LRRIQ1: variants seen among roughly 807,000 people sequenced by gnomAD.
The protein encoded by LRRIQ1 is leucine-rich repeat- and IQ domain-containing protein 1.
Under a neutral mutation model 211.9 loss-of-function variants are expected in LRRIQ1, and 210 were observed. The ratio of observed to expected loss-of-function variants is 0.99; its 90% CI spans 0.89 to 1.11. LRRIQ1 has a LOEUF of 1.11. Ranked by LOEUF, LRRIQ1 falls within the 50% of genes most tolerant of loss-of-function variation. LRRIQ1 has a pLI of 0.00. For synonymous variants in LRRIQ1, 699 were observed against 650.1 expected, an observed-to-expected ratio of 1.08 and a Z score of -1.14; for missense variants, 2,136 against 1,939.5, an observed-to-expected ratio of 1.10 and a Z score of -1.90.
At chr12:85,048,981 GC>G (rs1879979320) in intron 6 of LRRIQ1, among the ~76,000 whole-genome samples, 1 of 152,112 alleles carries the variant, frequency 6.6e-6, no homozygotes, top group Admixed American at 6.5e-5. Context: ...AGATCTAACA[GC>G]AAATCCCACC....
rs1186132172 is a variant in LRRIQ1 at position 85,152,334 on chromosome 12, A to G, written c.4384A>G (p.Thr1462Ala). 2 of 1,611,376 alleles carry G rather than the reference A, an allele frequency of 1.2e-6. No individual in the cohort carries two copies. The highest frequency in any genetic ancestry group is 1.7e-5 in the Admixed American group (1 of 59,708). The change falls in exon 20 of 27, where the codon ACA (threonine) becomes GCA (alanine). Residue 1462 changes from threonine to alanine, a missense_variant. Coordinates refer to ENST00000393217, the MANE Select transcript of LRRIQ1 (RefSeq NM_001079910.2). ...AGATTCCACCCGCTTCCCTTCACAA[A>G]CACTGCTTCTTTCAAACCAGCTGCA... ...ALDSTRFPSQ[T>A]LLLSNQLHWP...
chr12:85,088,055 C>A (rs1213796119), intron 11 of LRRIQ1, among the ~76,000 whole-genome samples: 1 of 152,108 alleles, frequency 6.6e-6, no homozygotes, highest in Non-Finnish European at 1.5e-5. Flanking sequence ...CCTAGGTTTT[C>A]TTCTAGGGCT....
chr12:85,079,761 CT>C (rs1201871553), intron 11 of LRRIQ1, among the ~76,000 whole-genome samples: 2 of 151,848 alleles, frequency 1.3e-5, no homozygotes, highest in African/African-American at 4.8e-5. Flanking sequence ...TTCATTCTGC[CT>C]GCTTTTTTCT....
Position 85,244,917 on chromosome 12 carries a change from G to A in LRRIQ1, c.5145G>A (p.Leu1715=). ...ACTCAGCAGGATCTTCAAGTAAGTT[G>A]TGGTTTCCTTCAAAATTAATTTAGA... ...HRHSAGSSSK[L]WFPSKLI Residue 1715 remains leucine, a synonymous_variant, in exon 27 of 27, where the codon TTG becomes TTA. Coordinates refer to ENST00000393217, the MANE Select transcript of LRRIQ1 (RefSeq NM_001079910.2). 6.2e-7 allele frequency: 1 copy of A among 1,610,408 alleles called. No homozygotes were observed. The highest frequency in any genetic ancestry group is 8.5e-7 in the Non-Finnish European group (1 of 1,177,780).
chr12:85,269,315 G>A (rs534800200), downstream of LRRIQ1, among the ~76,000 whole-genome samples: 5 of 152,066 alleles, frequency 3.3e-5, no homozygotes, highest in South Asian at 1.0e-3. Flanking sequence ...AGTATTCTCA[G>A]ATAATGTTCA....
chr12:85,233,572 T>A (rs1169402867), intron 26 of LRRIQ1, among the ~76,000 whole-genome samples: 2 of 152,178 alleles, frequency 1.3e-5, no homozygotes, highest in Non-Finnish European at 2.9e-5. Context: ...GATTCTTGAA[T>A]GAAATGAGTA....
At position 85,072,424 on chromosome 12, in the gene LRRIQ1, A is replaced by G. The variant is rs533018711; in HGVS notation, c.2696-483A>G. ...TATTGGGATAAAGAGTTTATTTTGC[A>G]TGTGTAAGATCTACCTTACTGATAA... On this transcript the variant is annotated intron_variant, in intron 10 of 26. Transcript: ENST00000393217. Among the ~76,000 whole-genome samples, 19 of 152,000 alleles carry G rather than the reference A, an allele frequency of 1.3e-4. 1 individual carries two copies. Among genetic ancestry groups the G allele is most frequent in the South Asian group, 1.2e-3 (6 of 4,824 alleles).
chr12:85,124,394 A>G lies in LRRIQ1; in HGVS notation c.3882A>G (p.Leu1294=). The change falls in exon 17 of 27, where the codon TTA becomes TTG. Residue 1294 remains leucine, a synonymous_variant. Transcript: ENST00000393217. ...TGGAAGGAAGACATCAGGAAATATT[A>G]GTATGTCAGAAGAGAGAAGACAGCA... ...ENMEGRHQEI[L]VCQKREDSKA... is the part of the protein sequence containing the mutation. The G allele has an allele frequency of 6.2e-7, 1 of 1,614,116 alleles. No homozygotes were observed. Among genetic ancestry groups the G allele is most frequent in the Non-Finnish European group, 8.5e-7 (1 of 1,180,024 alleles).
chr12:85,129,784 T>A (rs1008903868), intron 18 of LRRIQ1, among the ~76,000 whole-genome samples: 1 of 152,168 alleles, frequency 6.6e-6, no homozygotes. Context: ...AAGACACTGG[T>A]GGAATTTGAA....
intron 11 of LRRIQ1, among the ~76,000 whole-genome samples, chr12:85,089,445 A>G (rs1885157985): frequency 1.3e-5 from 2 of 152,226 alleles, no homozygotes; most frequent in Admixed American, 6.5e-5. Context: ...GCCTGGATAA[A>G]TGGTTGTTGC....
chr12:85,165,727 C>T (rs1249417395), intron 24 of LRRIQ1, among the ~76,000 whole-genome samples: 1 of 152,038 alleles, frequency 6.6e-6, no homozygotes, highest in Non-Finnish European at 1.5e-5. Flanking sequence ...CCTTGGCCTC[C>T]CAAAGTGCTA....
At chr12:85,053,469 A>G (rs1309207933) in intron 7 of LRRIQ1, among the ~76,000 whole-genome samples, 1 of 152,180 alleles carries the variant, frequency 6.6e-6, no homozygotes, top group Non-Finnish European at 1.5e-5. Flanking sequence ...AAAAGGAGTA[A>G]CAGTAAAACA....
intron 11 of LRRIQ1, among the ~76,000 whole-genome samples, chr12:85,073,584 T>C (rs903266321): frequency 2.6e-5 from 4 of 152,112 alleles, no homozygotes; most frequent in Admixed American, 1.3e-4. Flanking sequence ...ACGAATTTTT[T>C]TGGTAAGTAG....
At chr12:85,187,363 A>T (rs1369466497) in intron 24 of LRRIQ1, among the ~76,000 whole-genome samples, 3 of 152,176 alleles carry the variant, frequency 2.0e-5, no homozygotes, top group Non-Finnish European at 4.4e-5. Context: ...GGAAATTTAA[A>T]CATTTTCATG....
chr12:85,064,577 A>G (rs1882224806), intron 8 of LRRIQ1, among the ~76,000 whole-genome samples: 1 of 151,636 alleles, frequency 6.6e-6, no homozygotes, highest in Admixed American at 6.6e-5. Context: ...GTAGGGTATT[A>G]CTCAAGAAAT....
At chr12:85,046,411 C>T (rs1002258593) in intron 5 of LRRIQ1, among the ~76,000 whole-genome samples, 1 of 152,122 alleles carries the variant, frequency 6.6e-6, no homozygotes. Context: ...TTAACTATCT[C>T]TTAATGACAC....
intron 26 of LRRIQ1, among the ~76,000 whole-genome samples, chr12:85,241,540 G>T (rs1161634656): frequency 1.3e-5 from 2 of 151,690 alleles, no homozygotes; most frequent in Non-Finnish European, 2.9e-5. Flanking sequence ...TATTCTAACA[G>T]TTAAAATAAA....
intron 11 of LRRIQ1, among the ~76,000 whole-genome samples, chr12:85,086,814 T>C (rs1438974197): frequency 2.0e-5 from 3 of 152,028 alleles, no homozygotes; most frequent in Non-Finnish European, 4.4e-5. Context: ...CCTGGTTCTT[T>C]GTACTCAACA....
At chr12:85,214,869 A>G (rs1291891444) in intron 24 of LRRIQ1, among the ~76,000 whole-genome samples, 1 of 152,150 alleles carries the variant, frequency 6.6e-6, no homozygotes, top group Non-Finnish European at 1.5e-5. Context: ...TTAAGAACCC[A>G]CATACATCGA....
Sources: gnomAD v4.1 joint callset for allele counts (sites outside exome capture counted in the v4.1 genomes callset) on GRCh38, gnomAD v4.1.1 for gene constraint, MANE v1.5 for transcripts, NCBI Gene and HGNC (gene_info 2026-07-23, HGNC 2026-07-21) for gene names.